Variants in RNF213 observed in about 807,000 individuals in gnomAD.
RNF213 encodes the protein E3 ubiquitin-protein ligase RNF213.
In RNF213, 341 loss-of-function variants were observed where a neutral mutation model predicts 514.4. The ratio of observed to expected loss-of-function variants is 0.66; its 90% CI spans 0.61 to 0.73. RNF213 has a LOEUF of 0.73. Ranked by LOEUF, RNF213 falls within the 30% of genes least tolerant of loss-of-function variation. The probability of loss-of-function intolerance (pLI) is 0.00; values close to 1 mark genes in which losing one functional copy is unlikely to be tolerated. For synonymous variants in RNF213, 2,655 were observed against 2,658.2 expected, an observed-to-expected ratio of 1.00 and a Z score of 0.04; for missense variants, 5,767 against 6,615.6, an observed-to-expected ratio of 0.87 and a Z score of 4.45.
chr17:80,394,181 G>A lies in RNF213; in HGVS notation c.*683G>A, dbSNP rs1338484271. 1 of 152,262 alleles carries A rather than the reference G, an allele frequency of 6.6e-6. No individual in the cohort carries two copies. 9.4% of individuals were successfully genotyped at this position (152,262 alleles called of 1,614,324 possible). On this transcript the variant is annotated 3_prime_UTR_variant, in exon 68 of 68. Transcript: ENST00000582970. ...GGACCAGGGACACCATCAGGGCCTT[G>A]GTTTTCTCACGCATAAAATGGAGAG...
chr17:80,273,456 A>T, intron 3 of RNF213, 52 bp downstream of exon 3: 1 of 1,605,724 alleles, frequency 6.2e-7, no homozygotes, highest in South Asian at 1.1e-5. Context: ...TGCCCAGGAA[A>T]ATCTCACTGC....
rs763852386 is a variant in RNF213, at chr17:80,343,082, A to G, written c.5990-50A>G. ...CTCGGCCTCCCAAAGTGCTAGGATT[A>G]CAGGTGTGAGCCACCACTCCCAGCC... is the stretch of plus-strand genomic sequence containing the variant. On this transcript the variant is annotated intron_variant, in intron 26 of 67. Coordinates refer to ENST00000582970, the MANE Select transcript of RNF213 (RefSeq NM_001256071.3). The surrounding 1 kb of genome is among the most constrained non-coding windows in gnomAD (Gnocchi z 4.3). 6.1e-6 allele frequency: 9 copies of G among 1,482,636 alleles called. No homozygotes were observed. The highest frequency in any genetic ancestry group is 7.5e-6 in the Non-Finnish European group (8 of 1,061,490). 91.8% of individuals were successfully genotyped at this position (1,482,636 alleles called of 1,614,324 possible).
intron 2 of RNF213, among the ~76,000 whole-genome samples, chr17:80,267,538 G>A (rs999111673): frequency 2.0e-5 from 3 of 152,212 alleles, no homozygotes; most frequent in African/African-American, 7.2e-5. Flanking sequence ...TGTCTGGAGA[G>A]GTCAAACCAG....
At chr17:80,290,764 G>A (rs779726847) in intron 7 of RNF213, 36 bp downstream of exon 7, 1 of 1,613,522 alleles carries the variant, frequency 6.2e-7, no homozygotes, top group South Asian at 1.1e-5. Flanking sequence ...GAATCCCTCA[G>A]GGAAGGCATA....
At chr17:80,372,820 A>ATAGAC in intron 48 of RNF213, 86 bp downstream of exon 48, 2 of 1,427,116 alleles carry the variant, frequency 1.4e-6, no homozygotes, top group South Asian at 2.4e-5. Flanking sequence ...AGTTCTTCGA[A>ATAGAC]TAGACTACTA....
intron 36 of RNF213, chr17:80,355,336 C>G: frequency 2.3e-6 from 1 of 429,404 alleles, no homozygotes; most frequent in South Asian, 1.6e-5. Flanking sequence ...GTAATGGGGG[C>G]TTACAGGGGA....
intron 3 of RNF213, chr17:80,278,864 C>T (rs532764812): frequency 1.3e-6 from 2 of 1,537,226 alleles, no homozygotes; most frequent in Middle Eastern, 1.7e-4. Flanking sequence ...AAGCAGGATG[C>T]AGCCCCGCTT....
chr17:80,319,095 C>A, intron 16 of RNF213, 95 bp from the exon 17 acceptor site: 1 of 1,610,188 alleles, frequency 6.2e-7, no homozygotes, highest in Non-Finnish European at 8.5e-7. Flanking sequence ...AGTAAAACAG[C>A]AGGAAAGTAA....
chr17:80,276,137 T>C (rs1315694273), intron 3 of RNF213, among the ~76,000 whole-genome samples: 1 of 152,026 alleles, frequency 6.6e-6, no homozygotes, highest in African/African-American at 2.4e-5. Context: ...GTTTCGCTCC[T>C]GTTGCCAAGC....
chr17:80,326,573 G>A (rs1192055005), intron 18 of RNF213, among the ~76,000 whole-genome samples: 4 of 152,106 alleles, frequency 2.6e-5, no homozygotes, highest in African/African-American at 7.2e-5. Context: ...GAATAGTTGC[G>A]CTGCCCCTAC....
rs1051905318 is a variant in RNF213, at chr17:80,299,874, T to C, written c.2210+1356T>C. Among the ~76,000 whole-genome samples the C allele has an allele frequency of 2.6e-5, 4 of 152,284 alleles. No homozygotes were observed. In the East Asian group the frequency reaches 7.7e-4, roughly 29 times the overall value. ...TAATGGCCTCCAGCTCCATCTATGT[T>C]CCTGCAAAGGACATGATTTCATTCT... On this transcript the variant is annotated intron_variant, in intron 11 of 67. Coordinates refer to ENST00000582970, the MANE Select transcript of RNF213 (RefSeq NM_001256071.3).
At position 80,306,475 on chromosome 17, in the gene RNF213, G is replaced by A. The variant is rs766961994; in HGVS notation, c.2427+7G>A. The A allele has an allele frequency of 5.0e-6, 8 of 1,613,514 alleles. No homozygotes were observed. The South Asian group carries it at 8.8e-5, about 18-fold the overall frequency. ...GCAAGTCTTGAATACGCAGGTTTGT[G>A]TCTGAAGTCGGCTCTGGAGTCCTGG... On this transcript the variant is annotated splice_region_variant and intron_variant, in intron 12 of 67. Transcript: ENST00000582970.
chr17:80,329,020 G>C (rs562387745), intron 20 of RNF213, among the ~76,000 whole-genome samples: 1 of 152,110 alleles, frequency 6.6e-6, no homozygotes, highest in South Asian at 2.1e-4. Context: ...TAATTCCATC[G>C]CAATCTCTGC....
chr17:80,270,667 CCTGT>C (rs1270751812), intron 2 of RNF213, among the ~76,000 whole-genome samples: 1 of 152,128 alleles, frequency 6.6e-6, no homozygotes, highest in African/African-American at 2.4e-5. Context: ...CCTTGAGCGG[CCTGT>C]CTGTCTTTAG....
In RNF213 at chr17:80,380,920, T is replaced by C; in HGVS notation, c.13730T>C (p.Val4577Ala). 6.2e-7 allele frequency: 1 copy of C among 1,614,158 alleles called. No individual in the cohort carries two copies. The highest frequency in any genetic ancestry group is 8.5e-7 in the Non-Finnish European group (1 of 1,180,022). ...ACATGTGACCGAGGGCTGCCCCCAGTGGTCTTCCTCCTTATCCGGCTACTC... is the reference window on the plus strand; with the variant it reads ...ACATGTGACCGAGGGCTGCCCCCAGCGGTCTTCCTCCTTATCCGGCTACTC... ...VVTCDRGLPPVVFLLIRLLTH... is the reference protein window; with the variant it reads ...VVTCDRGLPPAVFLLIRLLTH... The change falls in exon 56 of 68, where the codon GTG becomes GCG. Residue 4577 changes from valine (V) to alanine (A), a missense_variant. By Grantham distance (64) the Val-to-Ala change is moderately conservative. Coordinates refer to ENST00000582970, the MANE Select transcript of RNF213 (RefSeq NM_001256071.3).
Position 80,347,941 on chromosome 17 carries a change from A to G in RNF213, c.9606A>G (p.Lys3202=), listed in dbSNP as rs1304622828. 1.9e-6 allele frequency: 3 copies of G among 1,613,910 alleles called. No homozygotes were observed. The highest frequency in any genetic ancestry group is 1.7e-6 in the Non-Finnish European group (2 of 1,179,908). Residue 3202 remains lysine, a synonymous_variant, in exon 29 of 68, where the codon AAA becomes AAG. Coordinates refer to ENST00000582970, the MANE Select transcript of RNF213 (RefSeq NM_001256071.3). This position sits in a 1 kb window ranked among gnomAD's most constrained non-coding sequence, Gnocchi z 7.2. ...GGGTGGAGAAGTTCATCAATGTCAA[A>G]GCACATCATTTCCAGAAGAGGCACA... The part of the protein sequence containing the change: ...CAWVEKFINV[K]AHHFQKRHKY...
In RNF213 at chr17:80,319,297, G is replaced by C; in HGVS notation, c.3009G>C (p.Val1003=). The change falls in exon 17 of 68, where the codon GTG becomes GTC. Residue 1003 remains valine, a synonymous_variant. Transcript: ENST00000582970. ...TCGAGAAATGCATCATTGAAGCCGT[G>C]AGCTCAGCCTGCCAGGTGAACAATC... ...KTFEKCIIEA[V]SSACQSQTSI... The C allele has an allele frequency of 6.2e-7, 1 of 1,614,174 alleles. No individual in the cohort carries two copies. Among genetic ancestry groups the C allele is most frequent in the Non-Finnish European group, 8.5e-7 (1 of 1,180,034 alleles).
At chr17:80,389,739 G>T in intron 65 of RNF213, 89 bp from the exon 66 acceptor site, 1 of 1,058,280 alleles carries the variant, frequency 9.4e-7, no homozygotes, top group South Asian at 1.3e-5. Context: ...AAGAATGCCT[G>T]TGTGGAGAGC....
At chr17:80,366,085 C>T (rs2079259156) in intron 42 of RNF213, among the ~76,000 whole-genome samples, 1 of 152,244 alleles carries the variant, frequency 6.6e-6, no homozygotes, top group African/African-American at 2.4e-5. Flanking sequence ...CTACCCAGCC[C>T]CCGCTGAAGA....
Sources: gnomAD v4.1 joint callset for allele counts (sites outside exome capture counted in the v4.1 genomes callset) on GRCh38, gnomAD v4.1.1 for gene constraint, Gnocchi (gnomAD v3.1) non-coding constraint, MANE v1.5 for transcripts, NCBI Gene and HGNC (gene_info 2026-07-23, HGNC 2026-07-21) for gene names.